The following CTIF variants were observed in gnomAD, a reference collection of about 807,000 sequenced individuals.
CTIF encodes cap binding complex dependent translation initiation factor, also known as CBP80/20-dependent translation initiation factor.
CTIF carries 21 observed loss-of-function variants against 66.0 expected under a neutral mutation model. That is an observed-to-expected ratio of 0.32 (90% confidence interval 0.23 to 0.46). The LOEUF is 0.46. CTIF is among the 20% of genes least tolerant of loss of function. CTIF has a pLI of 1.00. For missense variants in CTIF, 739 were observed against 812.7 expected (o/e 0.91, Z 1.10); for synonymous variants, 345 against 326.4 (o/e 1.06, Z -0.62).
intron 9 of CTIF, among the ~76,000 whole-genome samples, chr18:48,778,044 T>C (rs553606984): frequency 6.6e-6 from 1 of 152,322 alleles, no homozygotes; most frequent in Non-Finnish European, 1.5e-5. Flanking sequence ...CCTGTGGTCA[T>C]TGCAGTATGT....
At chr18:48,809,384 ATACAT>A (rs147496607) in intron 9 of CTIF, among the ~76,000 whole-genome samples, 89 of 152,296 alleles carry the variant, frequency 5.8e-4, no homozygotes, top group African/African-American at 2.0e-3. Context: ...TATTGAAGTA[ATACAT>A]TACATTTATA....
intron 9 of CTIF, among the ~76,000 whole-genome samples, chr18:48,814,646 A>T (rs1254928567): frequency 6.6e-6 from 1 of 152,222 alleles, no homozygotes; most frequent in African/African-American, 2.4e-5. Context: ...AAGATGTGTG[A>T]CTTCAAGCCC....
At chr18:48,723,339 G>T (rs2092358222) in intron 7 of CTIF, among the ~76,000 whole-genome samples, 1 of 151,526 alleles carries the variant, frequency 6.6e-6, no homozygotes. Flanking sequence ...TCAAAGGGAT[G>T]AATGAATGAA....
intron 7 of CTIF, among the ~76,000 whole-genome samples, chr18:48,735,534 G>A (rs1300884471): frequency 6.6e-6 from 1 of 152,172 alleles, no homozygotes; most frequent in East Asian, 1.9e-4. Context: ...GAGGAAGCAA[G>A]TGCATGCTTG....
chr18:48,619,878 C>T, intron 2 of CTIF, 133 bp downstream of exon 2: 1 of 900,920 alleles, frequency 1.1e-6, no homozygotes, highest in Non-Finnish European at 1.5e-6. Context: ...CAGCAGAGCA[C>T]CCAGAATCTG....
chr18:48,570,236 A>C (rs911678842), intron 1 of CTIF, among the ~76,000 whole-genome samples: 1 of 152,180 alleles, frequency 6.6e-6, no homozygotes, highest in Admixed American at 6.5e-5. Flanking sequence ...ATTTGCAGAG[A>C]AGCAGGTCAT....
chr18:48,575,981 A>G (rs1394399180), intron 1 of CTIF, among the ~76,000 whole-genome samples: 1 of 152,246 alleles, frequency 6.6e-6, no homozygotes, highest in Non-Finnish European at 1.5e-5. Flanking sequence ...CACACATGCC[A>G]GGCAGGGCCT....
At chr18:48,706,131 A>T (rs537444131) in intron 6 of CTIF, among the ~76,000 whole-genome samples, 1 of 152,116 alleles carries the variant, frequency 6.6e-6, no homozygotes, top group Admixed American at 6.5e-5. Flanking sequence ...TGACCCCTCC[A>T]CCCGTCCCTC....
intron 3 of CTIF, among the ~76,000 whole-genome samples, chr18:48,654,909 G>A (rs1469769271): frequency 6.6e-6 from 1 of 152,006 alleles, no homozygotes; most frequent in Non-Finnish European, 1.5e-5. Context: ...TCACTCATAG[G>A]TGGGAACTGA....
intron 1 of CTIF, among the ~76,000 whole-genome samples, chr18:48,596,465 TTTTC>T (rs1189712892): frequency 6.6e-6 from 1 of 151,062 alleles, no homozygotes; most frequent in Admixed American, 6.6e-5. Context: ...TTTCCTTTTC[TTTTC>T]TTTCTTTCTT....
intron 9 of CTIF, among the ~76,000 whole-genome samples, chr18:48,770,853 G>C (rs1910038373): frequency 1.3e-5 from 2 of 152,200 alleles, no homozygotes; most frequent in Admixed American, 6.5e-5. Context: ...ACGGACCCCA[G>C]CTCTGAGCCA....
At chr18:48,727,070 G>GCACA (rs35188197) in intron 7 of CTIF, among the ~76,000 whole-genome samples, 3,126 of 144,522 alleles carry the variant, frequency 0.022, 45 homozygotes, top group African/African-American at 0.042. Flanking sequence ...CAAGTTAGCT[G>GCACA]CACACACACA....
At chr18:48,752,782 C>G (rs546491217) in intron 7 of CTIF, among the ~76,000 whole-genome samples, 1 of 152,356 alleles carries the variant, frequency 6.6e-6, no homozygotes, top group South Asian at 2.1e-4. Context: ...CCGAATCAGC[C>G]CTGCGCGCAC....
intron 10 of CTIF, among the ~76,000 whole-genome samples, chr18:48,848,603 C>T (rs1032060022): frequency 4.6e-5 from 7 of 152,232 alleles, no homozygotes; most frequent in South Asian, 2.1e-4. Flanking sequence ...GTGCTCATCC[C>T]TCCCTGCACA....
At chr18:48,573,291 G>T (rs2089459906) in intron 1 of CTIF, among the ~76,000 whole-genome samples, 1 of 152,164 alleles carries the variant, frequency 6.6e-6, no homozygotes, top group Non-Finnish European at 1.5e-5. Flanking sequence ...GGCTTGGAAG[G>T]CCAGCAGAGC....
At chr18:48,801,823 G>C (rs756146180) in intron 9 of CTIF, among the ~76,000 whole-genome samples, 4 of 152,180 alleles carry the variant, frequency 2.6e-5, no homozygotes, top group African/African-American at 9.7e-5. Flanking sequence ...AACCTTCTTA[G>C]TAGAACCTGG....
chr18:48,812,466 A>G (rs1378005750), intron 9 of CTIF, among the ~76,000 whole-genome samples: 2 of 152,328 alleles, frequency 1.3e-5, no homozygotes, highest in East Asian at 3.9e-4. Flanking sequence ...TATAAGGCCA[A>G]CCAGATTTTT....
chr18:48,758,558 C>G (rs1050694148), intron 8 of CTIF, 153 bp downstream of exon 8: 15 of 915,852 alleles, frequency 1.6e-5, no homozygotes, highest in Non-Finnish European at 2.3e-5. Flanking sequence ...CTGTGGGGAC[C>G]AACCACACTG....
intron 6 of CTIF, among the ~76,000 whole-genome samples, chr18:48,706,147 T>C (rs2092151312): frequency 6.6e-6 from 1 of 152,066 alleles, no homozygotes; most frequent in South Asian, 2.1e-4. Context: ...CCCTCTCTCA[T>C]CCCCTTGCCC....
Sources: allele counts gnomAD v4.1 joint callset (sites outside exome capture counted in the v4.1 genomes callset), GRCh38; gene constraint gnomAD v4.1.1; transcripts MANE v1.5; gene names NCBI Gene and HGNC (gene_info 2026-07-23, HGNC 2026-07-21).